The following ZNF83 variants were observed in gnomAD, a reference collection of about 807,000 sequenced individuals.
The protein encoded by ZNF83 is zinc finger protein 83, also known as zinc finger protein 816B.
For missense variants in ZNF83, 552 were observed against 629.9 expected, an observed-to-expected ratio of 0.88 and a Z score of 1.32; for synonymous variants, 209 against 213.0, an observed-to-expected ratio of 0.98 and a Z score of 0.17.
chr19:52,677,485 CA>C (rs2061836233), intron 1 of ZNF83, among the ~76,000 whole-genome samples: 2 of 150,650 alleles, frequency 1.3e-5, no homozygotes, highest in Non-Finnish European at 3.0e-5. Flanking sequence ...GACTCTGTCT[CA>C]AAAAGAAAAA....
At chr19:52,654,582 T>A (rs2089426576) in intron 3 of ZNF83, among the ~76,000 whole-genome samples, 1 of 152,128 alleles carries the variant, frequency 6.6e-6, no homozygotes, top group Non-Finnish European at 1.5e-5. Context: ...CCAGGCATGG[T>A]GGTGGATGCC....
chr19:52,638,724 T>A (rs192298436), upstream of ZNF83, among the ~76,000 whole-genome samples: 1 of 152,192 alleles, frequency 6.6e-6, no homozygotes, highest in East Asian at 1.9e-4. Flanking sequence ...CTCCATTCAC[T>A]TGGGAGAGAG....
chr19:52,624,674 A>G (rs893770060), intron 2 of ZNF83, among the ~76,000 whole-genome samples: 2 of 152,112 alleles, frequency 1.3e-5, no homozygotes, highest in Non-Finnish European at 2.9e-5. Context: ...ATTCTTACAC[A>G]AGGACCAGGA....
intron 2 of ZNF83, among the ~76,000 whole-genome samples, chr19:52,657,225 G>A (rs913867528): frequency 3.9e-5 from 6 of 152,114 alleles, no homozygotes; most frequent in Admixed American, 6.6e-5. Flanking sequence ...CAGAAATTAC[G>A]AAGAACTACA....
rs565100220 is a variant in ZNF83, at chr19:52,631,229, T to C, written c.-234+3837A>G. 5.3e-3 allele frequency among the ~76,000 whole-genome samples: 799 copies of C among 150,946 alleles called. 3 individuals carry two copies. The highest frequency in any genetic ancestry group is 0.017 in the African/African-American group (697 of 41,112). ...TCAGCATAATTCTCATAAAAACACA[T>C]GTGCTCTCCCTGCTGATCGTGTCCA... On this transcript the variant is annotated intron_variant, in intron 2 of 2. Transcript: ENST00000301096.
At chr19:52,680,802 C>T (rs989755076) in intron 1 of ZNF83, among the ~76,000 whole-genome samples, 22 of 148,338 alleles carry the variant, frequency 1.5e-4, no homozygotes, top group East Asian at 1.0e-3. Flanking sequence ...TTAGTAGAGA[C>T]GGGGTTTCAC....
At chr19:52,674,771 A>C (rs938808646) in intron 1 of ZNF83, among the ~76,000 whole-genome samples, 15 of 152,266 alleles carry the variant, frequency 9.9e-5, no homozygotes, top group Non-Finnish European at 2.1e-4. Flanking sequence ...AAAAACATAG[A>C]GATACAACCA....
chr19:52,666,235 G>A (rs909828668), intron 1 of ZNF83, among the ~76,000 whole-genome samples: 1 of 151,634 alleles, frequency 6.6e-6, no homozygotes, highest in African/African-American at 2.4e-5. Flanking sequence ...CAAAAAGGGA[G>A]TCAAAGAGAG....
intron 1 of ZNF83, among the ~76,000 whole-genome samples, chr19:52,690,072 G>A (rs938770033): frequency 3.3e-5 from 5 of 152,080 alleles, no homozygotes; most frequent in Non-Finnish European, 5.9e-5. Flanking sequence ...GCGGCGCTGC[G>A]CTTCAGAGGC....
intron 3 of ZNF83, among the ~76,000 whole-genome samples, chr19:52,649,817 G>A (rs79789526): frequency 0.012 from 1,791 of 152,096 alleles, 13 homozygotes; most frequent in Non-Finnish European, 0.019. Context: ...TAGAAAACTG[G>A]AAAAAACAGT....
intron 2 of ZNF83, among the ~76,000 whole-genome samples, chr19:52,629,061 C>T (rs527435812): frequency 1.3e-5 from 2 of 152,166 alleles, no homozygotes; most frequent in African/African-American, 4.8e-5. Context: ...CCTCCTTCTC[C>T]CTTTCCTGTG....
intron 2 of ZNF83, among the ~76,000 whole-genome samples, chr19:52,626,369 C>G (rs895766843): frequency 2.0e-5 from 3 of 152,164 alleles, no homozygotes; most frequent in Non-Finnish European, 4.4e-5. Flanking sequence ...AAGGAGGACT[C>G]TGTATATTTT....
chr19:52,613,081 C>T (rs373627688), exon 3 of ZNF83: 5 of 1,613,138 alleles, frequency 3.1e-6, no homozygotes, highest in African/African-American at 1.3e-5. Flanking sequence ...TGAATTGTCG[C>T]GGAAGAGTTT....
chr19:52,627,625 TGAGCAAAA>T (rs1344255814), intron 2 of ZNF83, among the ~76,000 whole-genome samples: 17 of 152,172 alleles, frequency 1.1e-4, no homozygotes, highest in Non-Finnish European at 2.5e-4. Flanking sequence ...TACTCTGGCC[TGAGCAAAA>T]GAGCAAAACT....
chr19:52,677,180 AC>A (rs2061828424), intron 1 of ZNF83, among the ~76,000 whole-genome samples: 1 of 151,784 alleles, frequency 6.6e-6, no homozygotes, highest in African/African-American at 2.4e-5. Context: ...AATCAAAAAA[AC>A]AAAAACAAAA....
chr19:52,630,238 T>C (rs1235006247), intron 2 of ZNF83, among the ~76,000 whole-genome samples: 1 of 152,228 alleles, frequency 6.6e-6, no homozygotes, highest in Non-Finnish European at 1.5e-5. Flanking sequence ...CTTGGCTTAG[T>C]GGCTGAAGAC....
intron 3 of ZNF83, among the ~76,000 whole-genome samples, chr19:52,646,456 C>CGAG (rs1246304950): frequency 6.6e-6 from 1 of 152,054 alleles, no homozygotes; most frequent in Non-Finnish European, 1.5e-5. Flanking sequence ...GGCCAAGGTA[C>CGAG]GAGGATCACT....
chr19:52,664,276 C>A (rs1356895585), intron 1 of ZNF83, among the ~76,000 whole-genome samples: 1 of 151,578 alleles, frequency 6.6e-6, no homozygotes, highest in East Asian at 1.9e-4. Flanking sequence ...CGGCTGGATC[C>A]CTTAAGCCCT....
At chr19:52,626,163 C>G (rs923409140) in intron 2 of ZNF83, among the ~76,000 whole-genome samples, 2 of 152,204 alleles carry the variant, frequency 1.3e-5, no homozygotes, top group Non-Finnish European at 2.9e-5. Flanking sequence ...TTAGGACTTT[C>G]TGCTTCCACT....
Sources: allele counts gnomAD v4.1 joint callset (sites outside exome capture counted in the v4.1 genomes callset), GRCh38; gene constraint gnomAD v4.1.1; transcripts MANE v1.5; gene names NCBI Gene and HGNC (gene_info 2026-07-23, HGNC 2026-07-21).